ZNF578: variants seen among roughly 807,000 people sequenced by gnomAD.
The protein encoded by ZNF578 is Putative chemokine-related protein B42.
Under a neutral mutation model 8.3 loss-of-function variants are expected in ZNF578, and 8 were observed. The ratio of observed to expected loss-of-function variants is 0.96; its 90% CI spans 0.56 to 1.74. The LOEUF is 1.74. ZNF578 is among the 40% of genes most tolerant of loss of function. The probability of loss-of-function intolerance (pLI) is 0.00; values close to 1 mark genes in which losing one functional copy is unlikely to be tolerated. For synonymous variants in ZNF578, 206 were observed against 232.2 expected (o/e 0.89, Z 1.03); for missense variants, 726 against 707.5 (o/e 1.03, Z -0.30).
chr19:52,474,942 C>T (rs919739058), intron 2 of ZNF578: 2 of 180,040 alleles, frequency 1.1e-5, no homozygotes, highest in Non-Finnish European at 2.6e-5. Context: ...GTGTGAATTG[C>T]GACTAAAGAC....
chr19:52,510,857 G>C lies in ZNF578; in HGVS notation c.476G>C (p.Ser159Thr), dbSNP rs373777860. The stretch of plus-strand genomic sequence containing the variant: ...CCTATTAAAGATCAGCTTGGATTAA[G>C]CTTTCATTTGCATCTTCCTGAACTC... ...NKPIKDQLGL[S>T]FHLHLPELHI... The change falls in exon 6 of 6, where the codon AGC becomes ACC. Residue 159 changes from serine to threonine, a missense_variant. Transcript: ENST00000421239. 16 of 1,614,172 alleles carry C rather than the reference G, an allele frequency of 9.9e-6. No homozygotes were observed. Among genetic ancestry groups the C allele is most frequent in the South Asian group, 4.4e-5 (4 of 91,086 alleles).
At chr19:52,493,904 C>T (rs1319849932) in intron 3 of ZNF578, among the ~76,000 whole-genome samples, 2 of 151,742 alleles carry the variant, frequency 1.3e-5, no homozygotes, top group Admixed American at 1.3e-4. Context: ...GCTGGAGAAT[C>T]GCTTGAACCT....
At chr19:52,474,447 A>G in intron 2 of ZNF578, 3 of 284,624 alleles carry the variant, frequency 1.1e-5, no homozygotes, top group Non-Finnish European at 1.5e-5. Flanking sequence ...TCGGGCTAAA[A>G]ACTTTGCCAC....
Position 52,491,238 on chromosome 19 carries a change from AT to A in ZNF578, c.-121-79del, listed in dbSNP as rs201667472. 5.2e-3 allele frequency: 838 copies of A among 161,950 alleles called. 3 individuals are homozygous for A. The highest frequency in any genetic ancestry group is 0.02 in the African/African-American group (804 of 39,962). 10.0% of individuals were successfully genotyped at this position (161,950 alleles called of 1,614,324 possible). On this transcript the variant is annotated intron_variant, in intron 2 of 5. Transcript: ENST00000421239. ...CATGTTTGGAAAGTTTAAAATAAGT[AT>A]TTTTTTGTGTGTCATATTTACACAT...
Position 52,510,870 on chromosome 19 carries a change from T to C in ZNF578, c.489T>C (p.His163=), listed in dbSNP as rs1286307090. 3 of 1,614,096 alleles carry C rather than the reference T, an allele frequency of 1.9e-6. No homozygotes were observed. In the African/African-American group the frequency reaches 4.0e-5, roughly 22 times the overall value. ...KDQLGLSFHL[H]LPELHIFQPE... is the part of the protein sequence containing the mutation. Reference sequence around the variant, plus strand: ...AGCTTGGATTAAGCTTTCATTTGCATCTTCCTGAACTCCACATATTTCAGC... The same window carrying C: ...AGCTTGGATTAAGCTTTCATTTGCACCTTCCTGAACTCCACATATTTCAGC... The change falls in exon 6 of 6, where the codon CAT becomes CAC. Residue 163 remains histidine (H), a synonymous_variant. Transcript: ENST00000421239.
chr19:52,464,346 G>T (rs1459506085), intron 2 of ZNF578, among the ~76,000 whole-genome samples: 1 of 151,982 alleles, frequency 6.6e-6, no homozygotes, highest in Non-Finnish European at 1.5e-5. Context: ...TGTGTAAGCC[G>T]GAATCTCCCC....
intron 2 of ZNF578, among the ~76,000 whole-genome samples, chr19:52,491,061 C>T (rs554634252): frequency 8.5e-5 from 13 of 152,164 alleles, no homozygotes; most frequent in African/African-American, 3.1e-4. Flanking sequence ...GAAAAACACT[C>T]CTGACTTTAG....
Position 52,516,196 on chromosome 19 carries a change from C to G in ZNF578, c.*4042C>G, listed in dbSNP as rs1458253761. 6.6e-6 allele frequency among the ~76,000 whole-genome samples: 1 copy of G among 152,170 alleles called. No homozygotes were observed. The highest frequency in any genetic ancestry group is 2.4e-5 in the African/African-American group (1 of 41,438). ...TCTAGGCTCAGAGCTCTCTCCCATG[C>G]CCTCCCACCCCTGGTCTCAAGCTCC... On this transcript the variant is annotated 3_prime_UTR_variant, in exon 6 of 6. Coordinates refer to ENST00000421239, the MANE Select transcript of ZNF578 (RefSeq NM_001099694.2).
rs1367269151 is a variant in ZNF578, at chr19:52,513,889, G to C, written c.*1735G>C. On this transcript the variant is annotated 3_prime_UTR_variant, in exon 6 of 6. Transcript: ENST00000421239. The stretch of plus-strand genomic sequence containing the variant: ...AAAATACAAAAGTTAGCCAGGGGTG[G>C]GGGTGTGCACCTTTAGTTCCAGCTA... Among the ~76,000 whole-genome samples the C allele has an allele frequency of 6.6e-6, 1 of 152,018 alleles. No homozygotes were observed. The highest frequency in any genetic ancestry group is 2.1e-4 in the South Asian group (1 of 4,816).
rs752630831 is a variant in ZNF578, at chr19:52,514,349, G to A, written c.*2195G>A. 3.5e-4 allele frequency among the ~76,000 whole-genome samples: 54 copies of A among 152,148 alleles called. No individual in the cohort carries two copies. The highest frequency in any genetic ancestry group is 6.9e-4 in the Non-Finnish European group (47 of 68,030). ...TCAAAAGAGTTGCTGTTTGAAATTA[G>A]TTGCATCCAGTTCAGATCGAGGTCT... On this transcript the variant is annotated 3_prime_UTR_variant, in exon 6 of 6. Transcript: ENST00000421239.
At chr19:52,487,459 G>A (rs147168301) in intron 2 of ZNF578, among the ~76,000 whole-genome samples, 54 of 152,204 alleles carry the variant, frequency 3.5e-4, no homozygotes, top group Middle Eastern at 3.4e-3. Context: ...TCTATAAGAC[G>A]TACATTCTAT....
chr19:52,502,210 G>A (rs1290096874), intron 4 of ZNF578, among the ~76,000 whole-genome samples: 6 of 152,146 alleles, frequency 3.9e-5, no homozygotes, highest in Non-Finnish European at 7.3e-5. Context: ...TGATGTCATT[G>A]CTGCTGGGCA....
chr19:52,478,814 A>C (rs1225595864), intron 2 of ZNF578, among the ~76,000 whole-genome samples: 2 of 151,984 alleles, frequency 1.3e-5, no homozygotes, highest in Non-Finnish European at 2.9e-5. Context: ...CCCGGGTTCA[A>C]GCAATTCTCC....
chr19:52,462,664 C>T (rs1407107592), intron 2 of ZNF578, among the ~76,000 whole-genome samples: 1 of 152,162 alleles, frequency 6.6e-6, no homozygotes, highest in Non-Finnish European at 1.5e-5. Flanking sequence ...TGTCCCAAGT[C>T]AGTGGGCTCA....
intron 2 of ZNF578, among the ~76,000 whole-genome samples, chr19:52,490,862 C>G (rs77558777): frequency 6.6e-6 from 1 of 151,990 alleles, no homozygotes. Flanking sequence ...TACAGAATTT[C>G]CATTGATTTT....
At chr19:52,468,442 C>T (rs1486242544) in intron 2 of ZNF578, among the ~76,000 whole-genome samples, 1 of 152,188 alleles carries the variant, frequency 6.6e-6, no homozygotes, top group East Asian at 1.9e-4. Context: ...ATGTAATAAG[C>T]TATTACCATG....
intron 2 of ZNF578, among the ~76,000 whole-genome samples, chr19:52,483,681 T>C (rs1289504248): frequency 6.6e-6 from 1 of 152,248 alleles, no homozygotes. Flanking sequence ...TTCTATGTTT[T>C]ATATTTTACG....
chr19:52,497,975 C>T (rs567134891), intron 3 of ZNF578, among the ~76,000 whole-genome samples: 1 of 152,180 alleles, frequency 6.6e-6, no homozygotes, highest in African/African-American at 2.4e-5. Flanking sequence ...TTGCTCAGAT[C>T]TCATTTCTAC....
intron 5 of ZNF578, among the ~76,000 whole-genome samples, chr19:52,505,313 A>G (rs1372432011): frequency 6.6e-6 from 1 of 152,216 alleles, no homozygotes; most frequent in Non-Finnish European, 1.5e-5. Flanking sequence ...CCTAGCGGGG[A>G]CATCATTTGG....
Sources: allele counts gnomAD v4.1 joint callset (sites outside exome capture counted in the v4.1 genomes callset), GRCh38; gene constraint gnomAD v4.1.1; transcripts MANE v1.5; gene names NCBI Gene and HGNC (gene_info 2026-07-23, HGNC 2026-07-21).